The following PAK3 variants were observed in gnomAD, a reference collection of about 807,000 sequenced individuals.
The protein encoded by PAK3 is p21 (RAC1) activated kinase 3.
In PAK3, 4 loss-of-function variants were observed where a neutral mutation model predicts 41.0. The observed-to-expected ratio is 0.10, with a 90% CI of 0.05 to 0.22. The LOEUF (loss-of-function observed/expected upper bound fraction) is 0.22, where lower values mean the gene tolerates loss of function less well. Among genes scored for constraint, PAK3 ranks in the 10% least tolerant of loss-of-function variants. The probability of loss-of-function intolerance (pLI) is 1.00; values close to 1 mark genes in which losing one functional copy is unlikely to be tolerated. For missense variants in PAK3, 205 were observed against 409.9 expected (o/e 0.50, Z 4.32); for synonymous variants, 146 against 139.6 (o/e 1.05, Z -0.32).
chrX:111,021,691 A>G (rs2092185880), intron 1 of PAK3, among the ~76,000 whole-genome samples: 1 of 111,444 alleles, frequency 9.0e-6, no homozygotes. Flanking sequence ...CTGCAGTGCC[A>G]GAAAAAGAAT....
At chrX:111,207,356 A>T (rs779653181) in intron 16 of PAK3, among the ~76,000 whole-genome samples, 103 of 110,988 alleles carry the variant, frequency 9.3e-4, no homozygotes, top group Non-Finnish European at 1.2e-3. Context: ...TCATTGTATT[A>T]AACATGTACA....
At chrX:110,971,568 T>C (rs961560606) in intron 1 of PAK3, among the ~76,000 whole-genome samples, 8 of 112,267 alleles carry the variant, frequency 7.1e-5, no homozygotes, top group Non-Finnish European at 1.3e-4. Flanking sequence ...CTTTAGATTC[T>C]AGATACAAGT....
intron 1 of PAK3, among the ~76,000 whole-genome samples, chrX:111,016,675 T>C (rs1371724195): frequency 2.9e-5 from 3 of 104,431 alleles, no homozygotes; most frequent in Non-Finnish European, 5.8e-5. Context: ...TTTTGGATGA[T>C]GTCCATGCAT....
chrX:110,948,891 G>C (rs765195219), intron 1 of PAK3, among the ~76,000 whole-genome samples: 113 of 112,401 alleles, frequency 1.0e-3, no homozygotes, highest in African/African-American at 3.3e-3. Context: ...TCGCTGTTCT[G>C]GAGTACATAG....
intron 11 of PAK3, among the ~76,000 whole-genome samples, chrX:111,178,213 A>G (rs10521534): frequency 0.15 from 16,594 of 110,677 alleles, 2,557 homozygotes; most frequent in African/African-American, 0.47. Context: ...GTCATCTCTC[A>G]TATGAATCAC....
intron 1 of PAK3, among the ~76,000 whole-genome samples, chrX:111,055,778 C>T (rs1409662165): frequency 8.9e-6 from 1 of 111,794 alleles, no homozygotes; most frequent in African/African-American, 3.3e-5. Flanking sequence ...AGGGAGCAAA[C>T]ATCAGTCTGC....
rs188284227 is a variant in PAK3 at position 111,037,669 on chromosome X, A to G, written c.-27-85408A>G. Among the ~76,000 whole-genome samples, 8 of 111,792 alleles carry G rather than the reference A, an allele frequency of 7.2e-5. No homozygotes were observed. The Admixed American group carries it at 7.6e-4, about 11-fold the overall frequency. Reference sequence around the variant, plus strand: ...TACATGCTGATGAAAAGTTTGTTGTAAAATTAAAGCATGCATGAATCTCTC... The same window carrying G: ...TACATGCTGATGAAAAGTTTGTTGTGAAATTAAAGCATGCATGAATCTCTC... On this transcript the variant is annotated intron_variant, in intron 1 of 14. Coordinates refer to the PAK3 transcript ENST00000425146.
intron 8 of PAK3, among the ~76,000 whole-genome samples, chrX:111,161,840 C>A (rs1259061560): frequency 9.0e-6 from 1 of 111,212 alleles, no homozygotes; most frequent in Non-Finnish European, 1.9e-5. Flanking sequence ...TGTTTTGGTA[C>A]CAGTACCATG....
At chrX:110,998,394 A>G (rs2091781341) in intron 1 of PAK3, among the ~76,000 whole-genome samples, 1 of 112,420 alleles carries the variant, frequency 8.9e-6, no homozygotes, top group Non-Finnish European at 1.9e-5. Context: ...AGCACTGCAG[A>G]TAGCTCAAGT....
At chrX:110,981,240 A>G (rs2091442089) in intron 1 of PAK3, among the ~76,000 whole-genome samples, 1 of 111,965 alleles carries the variant, frequency 8.9e-6, no homozygotes, top group Admixed American at 9.4e-5. Flanking sequence ...AAAAACTGAG[A>G]AACTGTTTCC....
intron 5 of PAK3, among the ~76,000 whole-genome samples, chrX:111,126,995 A>T (rs2093656981): frequency 9.0e-6 from 1 of 111,577 alleles, no homozygotes; most frequent in South Asian, 3.8e-4. Context: ...AGAAAAAAAT[A>T]AAAACCACCC....
chrX:111,143,134 CA>C (rs2093896051), intron 6 of PAK3, among the ~76,000 whole-genome samples: 1 of 109,885 alleles, frequency 9.1e-6, no homozygotes, highest in East Asian at 2.9e-4. Flanking sequence ...GAGGGCATTT[CA>C]AAAAAAATCT....
intron 11 of PAK3, among the ~76,000 whole-genome samples, chrX:111,182,970 G>T (rs1200660144): frequency 9.0e-6 from 1 of 111,372 alleles, no homozygotes; most frequent in Non-Finnish European, 1.9e-5. Flanking sequence ...GAAAATTAAA[G>T]GCAAGATAAA....
At chrX:111,203,118 G>C in intron 16 of PAK3, among the ~76,000 whole-genome samples, 1 of 111,602 alleles carries the variant, frequency 9.0e-6, no homozygotes. Context: ...AAATATCAAT[G>C]TGGCAAGCCC....
chrX:111,050,504 A>C (rs2092547296), intron 1 of PAK3, among the ~76,000 whole-genome samples: 1 of 112,309 alleles, frequency 8.9e-6, no homozygotes, highest in African/African-American at 3.2e-5. Context: ...CTTTTTTTGT[A>C]AATCAGACTT....
At chrX:111,151,580 T>C (rs1426226759) in intron 7 of PAK3, among the ~76,000 whole-genome samples, 1 of 111,940 alleles carries the variant, frequency 8.9e-6, no homozygotes, top group Admixed American at 9.5e-5. Context: ...TCTCCACTTA[T>C]CCATGTGGAA....
At chrX:110,968,367 A>T (rs2091125622) in intron 1 of PAK3, among the ~76,000 whole-genome samples, 1 of 112,447 alleles carries the variant, frequency 8.9e-6, no homozygotes, top group South Asian at 3.7e-4. Context: ...GCTGGGTCAT[A>T]AGGTAAGTGC....
chrX:111,171,235 C>G (rs770651324), intron 10 of PAK3, among the ~76,000 whole-genome samples: 2 of 111,485 alleles, frequency 1.8e-5, no homozygotes, highest in South Asian at 3.8e-4. Flanking sequence ...TACAGATCTT[C>G]TCTTGATTAG....
intron 8 of PAK3, among the ~76,000 whole-genome samples, chrX:111,160,606 T>A: frequency 9.3e-6 from 1 of 108,096 alleles, no homozygotes; most frequent in Non-Finnish European, 1.9e-5. Context: ...CCTAATGCTA[T>A]CCCTCCCCGC....
Sources: gnomAD v4.1 joint callset for allele counts (sites outside exome capture counted in the v4.1 genomes callset) on GRCh38, gnomAD v4.1.1 for gene constraint, MANE v1.5 for transcripts, NCBI Gene and HGNC (gene_info 2026-07-23, HGNC 2026-07-21) for gene names.